AKAP7: variants seen among roughly 807,000 people sequenced by gnomAD.
The protein encoded by AKAP7 is A-kinase anchoring protein 7.
A neutral mutation model predicts 39.5 loss-of-function variants in AKAP7; 39 were observed. That is an observed-to-expected ratio of 0.99 (90% confidence interval 0.76 to 1.29). AKAP7 has a LOEUF of 1.29. Among genes scored for constraint, AKAP7 ranks in the 50% most tolerant of loss-of-function variants. The probability of loss-of-function intolerance (pLI) is 0.00; values close to 1 mark genes in which losing one functional copy is unlikely to be tolerated. For missense variants in AKAP7, 414 were observed against 407.7 expected, an observed-to-expected ratio of 1.02 and a Z score of -0.13; for synonymous variants, 140 against 139.1, an observed-to-expected ratio of 1.01 and a Z score of -0.05.
chr6:131,255,316 T>C (rs1190492749), intron 7 of AKAP7, among the ~76,000 whole-genome samples: 1 of 152,180 alleles, frequency 6.6e-6, no homozygotes, highest in Non-Finnish European at 1.5e-5. Flanking sequence ...CTTGTGAGTG[T>C]GAGAGAGCTT....
At chr6:131,218,832 T>G (rs1809435037) in intron 6 of AKAP7, among the ~76,000 whole-genome samples, 1 of 152,178 alleles carries the variant, frequency 6.6e-6, no homozygotes, top group South Asian at 2.1e-4. Flanking sequence ...TCAAGTAATC[T>G]TGTCTTTCAG....
At chr6:131,203,512 T>TAA (rs780500553) in intron 6 of AKAP7, among the ~76,000 whole-genome samples, 42 of 152,298 alleles carry the variant, frequency 2.8e-4, no homozygotes, top group Admixed American at 1.3e-3. Context: ...ATTCTTTATT[T>TAA]AAAAAGTTAC....
chr6:131,136,948 G>A, intron 1 of AKAP7: 2 of 729,606 alleles, frequency 2.7e-6, no homozygotes, highest in Non-Finnish European at 1.7e-6. Flanking sequence ...ATGTACTTAT[G>A]TATGTATGTA....
At chr6:131,240,207 G>T (rs1469187484) in intron 7 of AKAP7, among the ~76,000 whole-genome samples, 1 of 152,230 alleles carries the variant, frequency 6.6e-6, no homozygotes, top group Non-Finnish European at 1.5e-5. Flanking sequence ...CAGCAGCGGA[G>T]GCTGCAGAAC....
At chr6:131,211,659 G>C (rs1225464157) in intron 6 of AKAP7, among the ~76,000 whole-genome samples, 1 of 151,030 alleles carries the variant, frequency 6.6e-6, no homozygotes, top group Non-Finnish European at 1.5e-5. Context: ...TGTAGTCCCA[G>C]CTGCTTGGGA....
chr6:131,128,693 G>A, the AKAP7 span, among the ~76,000 whole-genome samples: 1,038 of 151,936 alleles, frequency 6.8e-3, 9 homozygotes, highest in Non-Finnish European at 0.012. Flanking sequence ...GTGGTGGCGT[G>A]TGCCTGTAAT....
At chr6:131,232,739 C>A (rs961432875) in intron 7 of AKAP7, among the ~76,000 whole-genome samples, 1 of 151,990 alleles carries the variant, frequency 6.6e-6, no homozygotes, top group Non-Finnish European at 1.5e-5. Context: ...GTTGCATGAG[C>A]TGAGATCACC....
chr6:131,151,039 T>C (rs1801866764), intron 2 of AKAP7, among the ~76,000 whole-genome samples: 1 of 151,966 alleles, frequency 6.6e-6, no homozygotes, highest in Admixed American at 6.6e-5. Context: ...ATAATCCTCT[T>C]AGAATTTTTT....
chr6:131,177,323 G>A (rs1804677130), intron 5 of AKAP7, among the ~76,000 whole-genome samples: 2 of 152,288 alleles, frequency 1.3e-5, no homozygotes, highest in East Asian at 3.9e-4. Flanking sequence ...GCATAGCACT[G>A]CACTGGCTGG....
intron 7 of AKAP7, among the ~76,000 whole-genome samples, chr6:131,248,802 T>C (rs1222830141): frequency 6.6e-6 from 1 of 152,346 alleles, no homozygotes; most frequent in South Asian, 2.1e-4. Flanking sequence ...TTTAGGACTA[T>C]TTTACATTTA....
chr6:131,176,826 G>A (rs897036997), intron 5 of AKAP7, among the ~76,000 whole-genome samples: 6 of 152,110 alleles, frequency 3.9e-5, no homozygotes, highest in Non-Finnish European at 7.4e-5. Flanking sequence ...CCACAGGCTG[G>A]TGGGTGTCCC....
intron 3 of AKAP7, among the ~76,000 whole-genome samples, chr6:131,164,166 A>G (rs1322393966): frequency 6.6e-6 from 1 of 151,660 alleles, no homozygotes; most frequent in Non-Finnish European, 1.5e-5. Context: ...TGGATTCTGC[A>G]TTGACTGTCA....
intron 6 of AKAP7, among the ~76,000 whole-genome samples, chr6:131,203,019 C>T (rs1807750618): frequency 6.6e-6 from 1 of 151,950 alleles, no homozygotes; most frequent in African/African-American, 2.4e-5. Context: ...TTTTGATGTT[C>T]AGTAAATGCC....
intron 1 of AKAP7, among the ~76,000 whole-genome samples, chr6:131,143,393 A>T (rs1801205539): frequency 6.6e-6 from 1 of 152,142 alleles, no homozygotes; most frequent in African/African-American, 2.4e-5. Flanking sequence ...TGCTTAAAAG[A>T]GGCTGGCATC....
intron 6 of AKAP7, among the ~76,000 whole-genome samples, chr6:131,202,472 A>C (rs1807671193): frequency 6.6e-6 from 1 of 151,468 alleles, no homozygotes; most frequent in African/African-American, 2.4e-5. Flanking sequence ...GACATGGATG[A>C]AATTGGAAAT....
chr6:131,129,025 G>A, the AKAP7 span, among the ~76,000 whole-genome samples: 1 of 151,914 alleles, frequency 6.6e-6, no homozygotes, highest in African/African-American at 2.4e-5. Flanking sequence ...GGTGGCTCAC[G>A]CCTGTAATCC....
chr6:131,250,571 G>A, intron 7 of AKAP7: 1 of 1,614,016 alleles, frequency 6.2e-7, no homozygotes, highest in South Asian at 1.1e-5. Context: ...CAGTGCCATG[G>A]GCCAGCTTTG....
chr6:131,188,418 G>A (rs374960569), intron 5 of AKAP7, among the ~76,000 whole-genome samples: 3 of 152,238 alleles, frequency 2.0e-5, no homozygotes, highest in Non-Finnish European at 2.9e-5. Context: ...GAGATTTTTC[G>A]TATTATATGT....
chr6:131,131,253 T>G (rs193012487), upstream of AKAP7, among the ~76,000 whole-genome samples: 1 of 152,166 alleles, frequency 6.6e-6, no homozygotes, highest in African/African-American at 2.4e-5. Flanking sequence ...TTATGACCAC[T>G]GGGGAGGTCA....
Sources: allele counts gnomAD v4.1 joint callset (sites outside exome capture counted in the v4.1 genomes callset), GRCh38; gene constraint gnomAD v4.1.1; transcripts MANE v1.5; gene names NCBI Gene and HGNC (gene_info 2026-07-23, HGNC 2026-07-21).